PRKCB: variants seen among roughly 807,000 people sequenced by gnomAD.
PRKCB encodes protein kinase C beta, also known as protein kinase C beta type.
PRKCB carries 13 observed loss-of-function variants against 81.5 expected under a neutral mutation model. That is an observed-to-expected ratio of 0.16 (90% CI 0.10 to 0.25). The LOEUF (loss-of-function observed/expected upper bound fraction) is 0.25, where lower values mean the gene tolerates loss of function less well. PRKCB is among the 10% of genes least tolerant of loss of function. The probability of loss-of-function intolerance (pLI) is 1.00; values close to 1 mark genes in which losing one functional copy is unlikely to be tolerated. For missense variants in PRKCB, 509 were observed against 875.7 expected (o/e 0.58, Z 5.29); for synonymous variants, 335 against 321.4 (o/e 1.04, Z -0.45).
In PRKCB at chr16:24,216,974, G is replaced by T; in HGVS notation, c.*2158G>T. On this transcript the variant is annotated 3_prime_UTR_variant, in exon 17 of 17. Transcript: ENST00000643927. Reference sequence around the variant, plus strand: ...GGCCCTTATCTGGTGGTTGGATCATGATCCCATTTTGCTTGGACATGCTCT... The same window carrying T: ...GGCCCTTATCTGGTGGTTGGATCATTATCCCATTTTGCTTGGACATGCTCT... The T allele has an allele frequency of 3.0e-6, 3 of 985,386 alleles. No individual in the cohort carries two copies. The highest frequency in any genetic ancestry group is 3.6e-6 in the Non-Finnish European group (3 of 829,938). The allele number at this position is 985,386 out of a possible 1,614,324, so 61.0% of individuals were successfully genotyped here. A position where few individuals can be genotyped will look rare whatever the true frequency, so the allele number is the denominator to read the frequency against.
intron 2 of PRKCB, among the ~76,000 whole-genome samples, chr16:23,867,460 A>G (rs575973669): frequency 6.6e-6 from 1 of 152,208 alleles, no homozygotes; most frequent in South Asian, 2.1e-4. Flanking sequence ...CTTTTTACAT[A>G]TTTATTGGAC....
At chr16:23,838,058 C>T (rs982206245) in intron 2 of PRKCB, among the ~76,000 whole-genome samples, 2 of 152,212 alleles carry the variant, frequency 1.3e-5, no homozygotes, top group East Asian at 1.9e-4. Flanking sequence ...GGGTATCAAA[C>T]CTGCTGGTGG....
chr16:23,842,258 C>T (rs1461158234), intron 2 of PRKCB, among the ~76,000 whole-genome samples: 1 of 152,116 alleles, frequency 6.6e-6, no homozygotes, highest in East Asian at 1.9e-4. Flanking sequence ...ACTTTGGTCT[C>T]CTCATCTGTA....
At chr16:24,213,543 T>C (rs1189086199) in intron 16 of PRKCB, among the ~76,000 whole-genome samples, 1 of 152,190 alleles carries the variant, frequency 6.6e-6, no homozygotes, top group Admixed American at 6.5e-5. Context: ...TAAAGAACTT[T>C]CCAGTAAACA....
chr16:24,185,704 T>C, intron 15 of PRKCB, 137 bp downstream of exon 15: 1 of 705,438 alleles, frequency 1.4e-6, no homozygotes, highest in Non-Finnish European at 2.4e-6. Flanking sequence ...ATGAGAACCC[T>C]GATGTGGAGC....
chr16:24,146,277 T>G (rs1384669251), intron 9 of PRKCB, among the ~76,000 whole-genome samples: 1 of 152,106 alleles, frequency 6.6e-6, no homozygotes, highest in East Asian at 1.9e-4. Context: ...GTCACTCAGG[T>G]TTTGGCTCTT....
At chr16:23,867,052 C>CCTTCTT (rs199908620) in intron 2 of PRKCB, among the ~76,000 whole-genome samples, 3 of 85,644 alleles carry the variant, frequency 3.5e-5, no homozygotes, top group Admixed American at 1.1e-4. Flanking sequence ...TTCCTTCCTT[C>CCTTCTT]TCTCTCTCTC....
chr16:23,976,890 C>T (rs74391760), intron 2 of PRKCB, among the ~76,000 whole-genome samples: 3,511 of 152,244 alleles, frequency 0.023, 138 homozygotes, highest in African/African-American at 0.078. Context: ...AGGGTAGGGG[C>T]AGCTTTCTTC....
intron 2 of PRKCB, among the ~76,000 whole-genome samples, chr16:23,965,225 A>G (rs781192502): frequency 2.6e-5 from 4 of 152,224 alleles, no homozygotes; most frequent in African/African-American, 4.8e-5. Context: ...GCTCCCACTT[A>G]TAAGTGAGAA....
intron 2 of PRKCB, among the ~76,000 whole-genome samples, chr16:23,937,327 T>C (rs113408237): frequency 3.3e-5 from 5 of 152,312 alleles, no homozygotes; most frequent in African/African-American, 1.2e-4. Flanking sequence ...TGAGAGGACA[T>C]CTTTTCATAT....
intron 2 of PRKCB, 132 bp downstream of exon 2, chr16:23,837,538 C>T (rs1401978228): frequency 8.7e-7 from 1 of 1,149,384 alleles, no homozygotes; most frequent in Non-Finnish European, 1.2e-6. Flanking sequence ...GCTAGGAATT[C>T]TTCACCACAA....
intron 7 of PRKCB, among the ~76,000 whole-genome samples, chr16:24,106,428 C>T (rs1966579322): frequency 6.6e-6 from 1 of 152,198 alleles, no homozygotes; most frequent in Non-Finnish European, 1.5e-5. Flanking sequence ...CCCATAACCA[C>T]TATTGACCCT....
intron 5 of PRKCB, among the ~76,000 whole-genome samples, chr16:24,053,236 G>T (rs1448041529): frequency 6.6e-6 from 1 of 152,232 alleles, no homozygotes; most frequent in African/African-American, 2.4e-5. Context: ...CTTAGTCACT[G>T]GAGATTTGTC....
chr16:24,183,050 C>T (rs749882774), intron 13 of PRKCB, among the ~76,000 whole-genome samples: 6 of 151,918 alleles, frequency 3.9e-5, no homozygotes, highest in South Asian at 2.1e-4. Context: ...TTAGTAGAGA[C>T]GGGGTTTCAC....
chr16:23,957,055 G>A (rs1014824821), intron 2 of PRKCB, among the ~76,000 whole-genome samples: 1 of 150,558 alleles, frequency 6.6e-6, no homozygotes, highest in Non-Finnish European at 1.5e-5. Context: ...CTTGAGTGAG[G>A]GAAATCCAGA....
chr16:24,091,506 C>T (rs1035160590), intron 5 of PRKCB, among the ~76,000 whole-genome samples: 21 of 152,146 alleles, frequency 1.4e-4, no homozygotes, highest in African/African-American at 4.8e-4. Flanking sequence ...GAATTGATTC[C>T]TAATTAACTA....
intron 15 of PRKCB, 75 bp from the exon 16 acceptor site, chr16:24,191,015 G>T: frequency 6.6e-7 from 1 of 1,511,614 alleles, no homozygotes; most frequent in Non-Finnish European, 9.1e-7. Flanking sequence ...TAATGCATTG[G>T]AGTAATAATT....
intron 2 of PRKCB, among the ~76,000 whole-genome samples, chr16:23,908,658 TGGGACTACA>T (rs1441725054): frequency 1.3e-5 from 2 of 151,604 alleles, no homozygotes; most frequent in Non-Finnish European, 2.9e-5. Context: ...CCCGAGTAGC[TGGGACTACA>T]GGTGCCCACC....
At chr16:23,877,631 T>C (rs546370079) in intron 2 of PRKCB, among the ~76,000 whole-genome samples, 148 of 152,312 alleles carry the variant, frequency 9.7e-4, no homozygotes, top group African/African-American at 3.4e-3. Context: ...TCTGGGCCAC[T>C]CAACTCAGGA....
Sources: allele counts gnomAD v4.1 joint callset (sites outside exome capture counted in the v4.1 genomes callset), GRCh38; gene constraint gnomAD v4.1.1; transcripts MANE v1.5; gene names NCBI Gene and HGNC (gene_info 2026-07-23, HGNC 2026-07-21).